Variants in ANXA6 observed in about 807,000 individuals in gnomAD.
ANXA6 encodes annexin A6.
ANXA6 carries 71 observed loss-of-function variants against 95.4 expected under a neutral mutation model. The ratio of observed to expected loss-of-function variants is 0.74; its 90% CI spans 0.61 to 0.91. The LOEUF (loss-of-function observed/expected upper bound fraction) is 0.91. Among genes scored for constraint, ANXA6 ranks in the 40% least tolerant of loss-of-function variants. The probability of loss-of-function intolerance (pLI) is 0.00; values close to 1 mark genes in which losing one functional copy is unlikely to be tolerated. For synonymous variants in ANXA6, 289 were observed against 315.9 expected (o/e 0.91, Z 0.90); for missense variants, 830 against 876.4 (o/e 0.95, Z 0.67).
At chr5:151,111,444 CTTCTT>C (rs923212663) in intron 20 of ANXA6, among the ~76,000 whole-genome samples, 1 of 152,218 alleles carries the variant, frequency 6.6e-6, no homozygotes, top group Non-Finnish European at 1.5e-5. Context: ...AAACCTTCCT[CTTCTT>C]TTCATTGCAT....
rs920285859 is a variant in ANXA6, at chr5:151,149,260, G to A, written c.-25-1334C>T. On this transcript the variant is annotated intron_variant, in intron 1 of 25. Transcript: ENST00000354546. ...CTCATTGAAAATGGATAAGGAATGCGGGTGGAGGATATCAGGAGACAGGGT... is the reference window on the plus strand; with the variant it reads ...CTCATTGAAAATGGATAAGGAATGCAGGTGGAGGATATCAGGAGACAGGGT... Among the ~76,000 whole-genome samples, 4 of 151,756 alleles carry A rather than the reference G, an allele frequency of 2.6e-5. No homozygotes were observed. The East Asian group carries it at 7.7e-4, about 29-fold the overall frequency.
intron 3 of ANXA6, among the ~76,000 whole-genome samples, chr5:151,139,774 A>T (rs1342352760): frequency 1.3e-5 from 2 of 152,294 alleles, no homozygotes; most frequent in African/African-American, 4.8e-5. Flanking sequence ...CAGGTATCCT[A>T]ACACCCAGTA....
chr5:151,118,011 T>A (rs918751306), intron 18 of ANXA6, among the ~76,000 whole-genome samples, 174 bp from the exon 19 acceptor site: 1 of 152,172 alleles, frequency 6.6e-6, no homozygotes, highest in African/African-American at 2.4e-5. Context: ...GCTGATTTTG[T>A]AAGACAATGG....
intron 21 of ANXA6, 139 bp from the exon 22 acceptor site, chr5:151,109,985 G>A: frequency 3.1e-6 from 2 of 651,930 alleles, no homozygotes; most frequent in South Asian, 3.4e-5. Flanking sequence ...GGCCGAGACT[G>A]GTCCCCTCTT....
At chr5:151,139,081 C>A in intron 4 of ANXA6, 1 of 588,968 alleles carries the variant, frequency 1.7e-6, no homozygotes, top group Admixed American at 3.0e-5. Context: ...GTATCTCTCT[C>A]ACTATCTGGC....
rs190683264 is a variant in ANXA6 at position 151,141,775 on chromosome 5, T to C, written c.19-1532A>G. On this transcript the variant is annotated intron_variant, in intron 2 of 25. Transcript: ENST00000354546. The stretch of plus-strand genomic sequence containing the variant: ...CACCTGGGAATCCCCTGCAACCTGA[T>C]CACGCCCCTGGGCAGAGACTTAAAG... The C allele has an allele frequency of 4.4e-4, 410 of 936,302 alleles. 4 individuals carry two copies. The African/African-American group carries it at 7.0e-3, about 16-fold the overall frequency. 58.0% of individuals were successfully genotyped at this position (936,302 alleles called of 1,614,324 possible).
In ANXA6 at chr5:151,101,314, A is replaced by G. The variant is rs1764541440; in HGVS notation, c.*134T>C. The G allele has an allele frequency of 6.9e-6, 5 of 727,422 alleles. No individual in the cohort carries two copies. Among genetic ancestry groups the G allele is most frequent in the African/African-American group, 1.8e-5 (1 of 56,714 alleles). The allele number at this position is 727,422 out of a possible 1,614,324, so 45.1% of individuals were successfully genotyped here. ...GAGCGTTTCCTAAGCTCCACTGAAGATAAGAGCCCAACCCAACCCCTCCCC... is the reference window on the plus strand; with the variant it reads ...GAGCGTTTCCTAAGCTCCACTGAAGGTAAGAGCCCAACCCAACCCCTCCCC... On this transcript the variant is annotated 3_prime_UTR_variant, in exon 26 of 26. Transcript: ENST00000354546.
rs142838384 is a variant in ANXA6, at chr5:151,102,682, C to T, written c.1962+888G>A. ...TGGCACTGCTGCACTCCAGCCTGGG[C>T]GACAGAGCAAGACTCCGTCTCAAAA... On this transcript the variant is annotated intron_variant, in intron 25 of 25. Coordinates refer to ENST00000354546, the MANE Select transcript of ANXA6 (RefSeq NM_001155.5). 4.0e-3 allele frequency among the ~76,000 whole-genome samples: 608 copies of T among 152,156 alleles called. 3 individuals carry two copies. Among genetic ancestry groups the T allele is most frequent in the African/African-American group, 0.014 (580 of 41,518 alleles).
Position 151,122,986 on chromosome 5 carries a change from A to G in ANXA6, c.1164T>C (p.Asp388=). 6.2e-7 allele frequency: 1 copy of G among 1,613,786 alleles called. No individual in the cohort carries two copies. Among genetic ancestry groups the G allele is most frequent in the Non-Finnish European group, 8.5e-7 (1 of 1,179,874 alleles). Residue 388 remains aspartate (D), a synonymous_variant, in exon 16 of 26, where the codon GAT becomes GAC. Coordinates refer to ENST00000354546, the MANE Select transcript of ANXA6 (RefSeq NM_001155.5). ...GLGTDEDTII[D]IITHRSNVQR... is the part of the protein sequence containing the mutation. ...GGACATTGCTGCGGTGCGTGATGAT[A>G]TCGATGATTGTGTCTTCGTCAGTCC...
intron 21 of ANXA6, 85 bp downstream of exon 21, chr5:151,110,542 C>G: frequency 1.4e-6 from 2 of 1,472,974 alleles, no homozygotes; most frequent in Non-Finnish European, 1.9e-6. Context: ...TCCCAAATCA[C>G]TGCTCGATAC....
At chr5:151,103,806 C>A in intron 24 of ANXA6, 114 bp from the exon 25 acceptor site, 2 of 1,275,260 alleles carry the variant, frequency 1.6e-6, no homozygotes, top group Non-Finnish European at 2.1e-6. Flanking sequence ...AAAAACAGGG[C>A]GGATGTTCCA....
At chr5:151,130,072 A>G (rs184183601) in intron 11 of ANXA6, among the ~76,000 whole-genome samples, 88 of 152,302 alleles carry the variant, frequency 5.8e-4, no homozygotes, top group African/African-American at 1.9e-3. Context: ...TAATTTTACC[A>G]TAGCTTTGTA....
chr5:151,137,091 T>C (rs1366176465), intron 6 of ANXA6, 140 bp downstream of exon 6: 2 of 753,848 alleles, frequency 2.7e-6, no homozygotes, highest in Middle Eastern at 5.5e-4. Context: ...AAGTACTTAT[T>C]GGGTAGATAA....
chr5:151,144,933 C>A (rs1765935593), intron 2 of ANXA6, among the ~76,000 whole-genome samples: 1 of 151,998 alleles, frequency 6.6e-6, no homozygotes, highest in Admixed American at 6.5e-5. Context: ...TCATCCAGGC[C>A]CAGGCTTCCC....
At chr5:151,110,882 C>A (rs1291498380) in intron 20 of ANXA6, among the ~76,000 whole-genome samples, 1 of 152,138 alleles carries the variant, frequency 6.6e-6, no homozygotes, top group African/African-American at 2.4e-5. Context: ...CTGGCAATAA[C>A]TAAAAACGTG....
At chr5:151,108,583 G>A (rs1291301407) in intron 22 of ANXA6, 33 bp from the exon 23 acceptor site, 1 of 1,590,570 alleles carries the variant, frequency 6.3e-7, no homozygotes, top group Non-Finnish European at 8.6e-7. Context: ...AGGTGGGGGT[G>A]AGCTTCAGTG....
chr5:151,108,957 T>C (rs540762252), intron 22 of ANXA6, among the ~76,000 whole-genome samples: 2 of 152,314 alleles, frequency 1.3e-5, no homozygotes, highest in Admixed American at 1.3e-4. Context: ...GAAGACACAA[T>C]GATAACACTC....
chr5:151,103,432 C>T (rs1764604051), intron 25 of ANXA6, 138 bp downstream of exon 25: 7 of 691,770 alleles, frequency 1.0e-5, no homozygotes, highest in Non-Finnish European at 1.6e-5. Context: ...GCAATACAGA[C>T]CCCCTTTCAT....
rs1561572931 is a variant in ANXA6 at position 151,122,121 on chromosome 5, C to A, written c.1347+26G>T. ...GTATCCCTATTGGCACCCGCAGACA[C>A]TAGACCCCCTGGTGCCACACTGTAC... On this transcript the variant is annotated intron_variant, in intron 17 of 25. Coordinates refer to ENST00000354546, the MANE Select transcript of ANXA6 (RefSeq NM_001155.5). 2.0e-6 allele frequency: 3 copies of A among 1,488,504 alleles called. No homozygotes were observed. In the East Asian group the frequency reaches 7.3e-5, roughly 36 times the overall value. The allele number at this position is 1,488,504 out of a possible 1,614,324, so 92.2% of individuals were successfully genotyped here. A position where few individuals can be genotyped will look rare whatever the true frequency, so the allele number is the denominator to read the frequency against.
Sources: gnomAD v4.1 joint callset for allele counts (sites outside exome capture counted in the v4.1 genomes callset) on GRCh38, gnomAD v4.1.1 for gene constraint, MANE v1.5 for transcripts, NCBI Gene and HGNC (gene_info 2026-07-23, HGNC 2026-07-21) for gene names.